The following CUBN variants were observed in gnomAD, a reference collection of about 807,000 sequenced individuals.
CUBN encodes the protein cubilin, also known as 460 kDa receptor.
CUBN carries 282 observed loss-of-function variants against 405.3 expected under a neutral mutation model. The ratio of observed to expected loss-of-function variants is 0.70; its 90% CI spans 0.63 to 0.77. The LOEUF (loss-of-function observed/expected upper bound fraction) is 0.77. Ranked by LOEUF, CUBN falls within the 30% of genes least tolerant of loss-of-function variation. CUBN has a pLI of 0.00. For missense variants in CUBN, 4,514 were observed against 4,475.2 expected, an observed-to-expected ratio of 1.01 and a Z score of -0.25; for synonymous variants, 1,684 against 1,617.0, an observed-to-expected ratio of 1.04 and a Z score of -0.99.
chr10:16,949,214 G>A (rs980886799), intron 34 of CUBN, among the ~76,000 whole-genome samples: 1 of 152,148 alleles, frequency 6.6e-6, no homozygotes, highest in Admixed American at 6.6e-5. Context: ...CCTTATCCTT[G>A]GTCAAATGCT....
chr10:16,972,802 C>T (rs1466869674), intron 31 of CUBN, among the ~76,000 whole-genome samples: 1 of 152,016 alleles, frequency 6.6e-6, no homozygotes, highest in Non-Finnish European at 1.5e-5. Flanking sequence ...ATGTAATTAG[C>T]CTCTAATTCT....
At chr10:17,107,591 G>A (rs1468721462) in intron 10 of CUBN, among the ~76,000 whole-genome samples, 10 of 150,644 alleles carry the variant, frequency 6.6e-5, no homozygotes, top group East Asian at 2.0e-4. Context: ...TCCGCCTCCC[G>A]GGTTCACGCC....
intron 28 of CUBN, among the ~76,000 whole-genome samples, chr10:17,008,948 T>A (rs1197611757): frequency 6.6e-6 from 1 of 152,118 alleles, no homozygotes; most frequent in African/African-American, 2.4e-5. Flanking sequence ...ACATCATGAT[T>A]TACGTCTTGC....
chr10:17,008,681 C>T lies in CUBN; in HGVS notation c.4168+11152G>A, dbSNP rs187650437. Among the ~76,000 whole-genome samples the T allele has an allele frequency of 1.8e-4, 28 of 152,130 alleles. No homozygotes were observed. In the East Asian group the frequency reaches 4.6e-3, roughly 25 times the overall value. ...GGTTTTGGTTCAGAGGTCTCATTTG[C>T]GTGGAGATCATCCCTGACCTCCTGC... On this transcript the variant is annotated intron_variant, in intron 28 of 66. Coordinates refer to ENST00000377833, the MANE Select transcript of CUBN (RefSeq NM_001081.4).
chr10:16,985,703 C>T (rs1289939045), intron 29 of CUBN, among the ~76,000 whole-genome samples: 2 of 152,242 alleles, frequency 1.3e-5, no homozygotes, highest in Admixed American at 6.5e-5. Flanking sequence ...CTCCCCCTCC[C>T]ATAAGGGGTT....
At chr10:16,889,505 A>G (rs1840928391) in intron 55 of CUBN, among the ~76,000 whole-genome samples, 1 of 152,232 alleles carries the variant, frequency 6.6e-6, no homozygotes, top group Non-Finnish European at 1.5e-5. Flanking sequence ...TACAATAGCT[A>G]GAAAAGGAGA....
chr10:17,062,542 C>T (rs958780244), intron 22 of CUBN, among the ~76,000 whole-genome samples: 2 of 152,178 alleles, frequency 1.3e-5, no homozygotes, highest in Admixed American at 6.5e-5. Context: ...ACCTGTTAAA[C>T]CTGTACTTGT....
At chr10:16,972,806 T>G (rs2131674390) in intron 31 of CUBN, among the ~76,000 whole-genome samples, 1 of 152,230 alleles carries the variant, frequency 6.6e-6, no homozygotes, top group African/African-American at 2.4e-5. Flanking sequence ...AATTAGCCTC[T>G]AATTCTAGTG....
chr10:17,026,501 C>CGG (rs1834666989), intron 27 of CUBN, among the ~76,000 whole-genome samples: 2 of 151,950 alleles, frequency 1.3e-5, no homozygotes, highest in Non-Finnish European at 2.9e-5. Context: ...GGTGTGGTGG[C>CGG]GTACGCCTGT....
intron 17 of CUBN, among the ~76,000 whole-genome samples, 157 bp downstream of exon 17, chr10:17,084,114 C>A (rs1029595065): frequency 6.6e-6 from 1 of 152,118 alleles, no homozygotes; most frequent in African/African-American, 2.4e-5. Flanking sequence ...TATTTGCCTG[C>A]ACCTTAGTCA....
In CUBN at chr10:16,952,346, G is replaced by C. The variant is rs749652864; in HGVS notation, c.4899C>G (p.Ser1633=). 1.9e-6 allele frequency: 3 copies of C among 1,613,864 alleles called. No homozygotes were observed. The highest frequency in any genetic ancestry group is 1.7e-5 in the Admixed American group (1 of 59,986). The change falls in exon 33 of 67, where the codon TCC becomes TCG. Residue 1633 remains serine, a synonymous_variant. Transcript: ENST00000377833. ...HILTSSFDTV[S]SPRFPANYPN... ...GATAATTGGCAGGGAACCGTGGAGA[G>C]GAAACAGTATCAAATGAGCTGGTGA...
chr10:16,937,271 G>C (rs2131601760), intron 39 of CUBN, among the ~76,000 whole-genome samples: 1 of 152,236 alleles, frequency 6.6e-6, no homozygotes, highest in African/African-American at 2.4e-5. Flanking sequence ...GTGTGTGTGT[G>C]AATGTACATG....
intron 22 of CUBN, among the ~76,000 whole-genome samples, chr10:17,061,826 T>A (rs1016425319): frequency 2.0e-5 from 3 of 152,294 alleles, no homozygotes; most frequent in African/African-American, 4.8e-5. Context: ...TACTAGCTGT[T>A]ATATGCAGTT....
intron 43 of CUBN, among the ~76,000 whole-genome samples, chr10:16,924,734 T>G (rs910170610): frequency 6.6e-5 from 10 of 152,086 alleles, no homozygotes; most frequent in Non-Finnish European, 1.2e-4. Flanking sequence ...TAAATGCAAT[T>G]ATAATCAAGT....
At chr10:16,978,295 G>A (rs1423246247) in intron 31 of CUBN, among the ~76,000 whole-genome samples, 1 of 152,168 alleles carries the variant, frequency 6.6e-6, no homozygotes, top group Non-Finnish European at 1.5e-5. Flanking sequence ...CCCAAAGACT[G>A]GACTCACACC....
chr10:16,856,607 G>A (rs1161326703), intron 59 of CUBN, among the ~76,000 whole-genome samples: 1 of 152,218 alleles, frequency 6.6e-6, no homozygotes, highest in Non-Finnish European at 1.5e-5. Flanking sequence ...CTTCAGTGGA[G>A]TTAGATACAT....
At chr10:17,111,649 C>A (rs1018386616) in intron 8 of CUBN, among the ~76,000 whole-genome samples, 7 of 152,136 alleles carry the variant, frequency 4.6e-5, no homozygotes, top group Non-Finnish European at 8.8e-5. Flanking sequence ...TGTGGCTGGG[C>A]AAGGTGGCTC....
At chr10:17,084,050 T>C (rs1169404429) in intron 17 of CUBN, among the ~76,000 whole-genome samples, 2 of 152,230 alleles carry the variant, frequency 1.3e-5, no homozygotes, top group Non-Finnish European at 2.9e-5. Context: ...TTCTTTCCTG[T>C]ATTAATTATT....
At chr10:16,940,362 T>C in intron 36 of CUBN, 125 bp from the exon 37 acceptor site, 2 of 924,014 alleles carry the variant, frequency 2.2e-6, no homozygotes, top group East Asian at 2.5e-5. Context: ...GATCACAACA[T>C]TATTTGGCTG....
Sources: gnomAD v4.1 joint callset for allele counts (sites outside exome capture counted in the v4.1 genomes callset) on GRCh38, gnomAD v4.1.1 for gene constraint, MANE v1.5 for transcripts, NCBI Gene and HGNC (gene_info 2026-07-23, HGNC 2026-07-21) for gene names.